DACH2: variants seen among roughly 807,000 people sequenced by gnomAD.
DACH2 encodes the protein dachshund homolog 2.
A neutral mutation model predicts 35.8 loss-of-function variants in DACH2; 17 were observed. The ratio of observed to expected loss-of-function variants is 0.48; its 90% confidence interval spans 0.33 to 0.71. DACH2 has a LOEUF of 0.71. Ranked by LOEUF, DACH2 falls within the 30% of genes least tolerant of loss-of-function variation. The pLI, the probability that DACH2 is intolerant of heterozygous loss-of-function variation, is 0.02. For missense variants in DACH2, 469 were observed against 472.7 expected (o/e 0.99, Z 0.07); for synonymous variants, 195 against 177.3 (o/e 1.10, Z -0.79).
At chrX:86,457,369 C>T (rs1282465868) in intron 2 of DACH2, among the ~76,000 whole-genome samples, 1 of 111,892 alleles carries the variant, frequency 8.9e-6, no homozygotes, top group East Asian at 2.8e-4. Flanking sequence ...ATGAGACTAA[C>T]TGTGCCTAGT....
chrX:86,296,380 C>CAAAAAAAAAAAAAA (rs61713614), intron 1 of DACH2, among the ~76,000 whole-genome samples: 1 of 68,458 alleles, frequency 1.5e-5, no homozygotes, highest in Non-Finnish European at 2.9e-5. Context: ...GACTCCATCT[C>CAAAAAAAAAAAAAA]AAAAAAAAAA....
At chrX:86,297,484 G>A (rs1266477147) in intron 1 of DACH2, among the ~76,000 whole-genome samples, 1 of 111,834 alleles carries the variant, frequency 8.9e-6, no homozygotes, top group Non-Finnish European at 1.9e-5. Context: ...ATTTTATGTG[G>A]AACATTTTAG....
intron 2 of DACH2, among the ~76,000 whole-genome samples, chrX:86,462,334 G>A (rs368212303): frequency 9.0e-6 from 1 of 111,283 alleles, no homozygotes; most frequent in Non-Finnish European, 1.9e-5. Flanking sequence ...TGGGAATTAC[G>A]TTGTACAAAG....
At chrX:86,639,423 C>T (rs1349068223) in intron 3 of DACH2, among the ~76,000 whole-genome samples, 4 of 111,648 alleles carry the variant, frequency 3.6e-5, no homozygotes, top group African/African-American at 1.3e-4. Context: ...CTCTGAGCAG[C>T]TGCTCAGGCA....
intron 7 of DACH2, among the ~76,000 whole-genome samples, chrX:86,802,888 G>A (rs2042308145): frequency 8.9e-6 from 1 of 111,874 alleles, no homozygotes; most frequent in South Asian, 3.7e-4. Context: ...TAAAACAGCA[G>A]CTTTCTTTCT....
chrX:86,639,538 G>C (rs2040319987), intron 3 of DACH2, among the ~76,000 whole-genome samples: 1 of 111,675 alleles, frequency 9.0e-6, no homozygotes, highest in African/African-American at 3.3e-5. Context: ...CTAGGAAAGA[G>C]GCTGAATCCA....
intron 3 of DACH2, among the ~76,000 whole-genome samples, chrX:86,594,092 G>T: frequency 9.0e-6 from 1 of 111,284 alleles, no homozygotes; most frequent in East Asian, 2.8e-4. Flanking sequence ...CTCTTTCAAG[G>T]AATTGGTCTG....
At chrX:86,197,952 G>T (rs1247444185) in intron 1 of DACH2, among the ~76,000 whole-genome samples, 1 of 111,800 alleles carries the variant, frequency 8.9e-6, no homozygotes, top group Non-Finnish European at 1.9e-5. Flanking sequence ...AAAGACAACA[G>T]AATATACATT....
chrX:86,586,695 G>A (rs2148345758), intron 3 of DACH2, among the ~76,000 whole-genome samples: 1 of 111,306 alleles, frequency 9.0e-6, no homozygotes, highest in African/African-American at 3.3e-5. Context: ...TTTCCCCATT[G>A]CTTGTTTTTG....
intron 1 of DACH2, among the ~76,000 whole-genome samples, chrX:86,158,437 A>G (rs1320421242): frequency 9.0e-6 from 1 of 111,445 alleles, no homozygotes; most frequent in Non-Finnish European, 1.9e-5. Flanking sequence ...ATTCATGTCT[A>G]TCTATTTAAT....
chrX:86,749,196 C>T (rs1422332809), intron 7 of DACH2, among the ~76,000 whole-genome samples: 3 of 111,921 alleles, frequency 2.7e-5, no homozygotes, highest in Non-Finnish European at 5.6e-5. Context: ...ACTTTCTTGT[C>T]ATTTGTGTTT....
intron 1 of DACH2, among the ~76,000 whole-genome samples, chrX:86,309,242 G>T (rs1347671428): frequency 8.9e-6 from 1 of 112,195 alleles, no homozygotes; most frequent in Non-Finnish European, 1.9e-5. Flanking sequence ...AATGACAGTG[G>T]ATTACTGTAA....
intron 1 of DACH2, among the ~76,000 whole-genome samples, chrX:86,288,901 G>C (rs1318739744): frequency 1.8e-5 from 2 of 111,446 alleles, no homozygotes; most frequent in Admixed American, 1.9e-4. Flanking sequence ...TGGTACCTAA[G>C]GTAGTGAGAC....
At chrX:86,392,128 A>T (rs1214932791) in intron 2 of DACH2, among the ~76,000 whole-genome samples, 3 of 111,345 alleles carry the variant, frequency 2.7e-5, no homozygotes, top group Non-Finnish European at 5.7e-5. Flanking sequence ...GATTAATTTT[A>T]TATTTGTTTT....
intron 1 of DACH2, among the ~76,000 whole-genome samples, chrX:86,206,388 A>G (rs1016239371): frequency 8.9e-6 from 1 of 111,865 alleles, no homozygotes; most frequent in African/African-American, 3.3e-5. Flanking sequence ...TTTGCACTTG[A>G]TGATGGTTGT....
At chrX:86,342,808 A>C (rs2035433867) in intron 1 of DACH2, among the ~76,000 whole-genome samples, 1 of 109,244 alleles carries the variant, frequency 9.2e-6, no homozygotes, top group African/African-American at 3.4e-5. Context: ...AATATAAATA[A>C]ATAAATTAAT....
chrX:86,679,931 C>T (rs776915518), intron 4 of DACH2, among the ~76,000 whole-genome samples: 5 of 110,853 alleles, frequency 4.5e-5, no homozygotes, highest in Non-Finnish European at 9.4e-5. Flanking sequence ...CAACTGAATT[C>T]GGGCTTGTAT....
chrX:86,219,973 A>T (rs2032664542), intron 1 of DACH2, among the ~76,000 whole-genome samples: 1 of 96,206 alleles, frequency 1.0e-5, no homozygotes, highest in Admixed American at 1.2e-4. Flanking sequence ...CCTGACCAAC[A>T]TGGAGAAACC....
intron 2 of DACH2, among the ~76,000 whole-genome samples, chrX:86,510,728 A>G (rs1160052575): frequency 9.0e-6 from 1 of 111,586 alleles, no homozygotes; most frequent in Non-Finnish European, 1.9e-5. Context: ...TGACTATTTT[A>G]TGGGGTTGTT....
Sources: allele counts gnomAD v4.1 joint callset (sites outside exome capture counted in the v4.1 genomes callset), GRCh38; gene constraint gnomAD v4.1.1; transcripts MANE v1.5; gene names NCBI Gene and HGNC (gene_info 2026-07-23, HGNC 2026-07-21).